The following TOR2A variants were observed in gnomAD, a reference collection of about 807,000 sequenced individuals.
TOR2A encodes torsin family 2 member A.
A neutral mutation model predicts 28.6 loss-of-function variants in TOR2A; 24 were observed. That is an observed-to-expected ratio of 0.84 (90% CI 0.61 to 1.18). The LOEUF is 1.18. Ranked by LOEUF, TOR2A falls within the 50% of genes most tolerant of loss-of-function variation. TOR2A has a pLI of 0.00. For missense variants in TOR2A, 426 were observed against 448.1 expected (o/e 0.95, Z 0.45); for synonymous variants, 203 against 203.1 (o/e 1.00, Z 0.00).
chr9:127,734,061 C>G (rs1844582085), intron 2 of TOR2A: 1 of 477,022 alleles, frequency 2.1e-6, no homozygotes, highest in South Asian at 4.3e-5. Context: ...ATCTCATGTC[C>G]CTCACAACAA....
At chr9:127,733,621 T>G in intron 2 of TOR2A, 61 bp from the exon 3 acceptor site, 38 of 1,438,990 alleles carry the variant, frequency 2.6e-5, no homozygotes, top group Non-Finnish European at 3.2e-5. Flanking sequence ...ACCAGACCTC[T>G]TCCCAAACCA....
Position 127,733,404 on chromosome 9 carries a change from C to T in TOR2A, c.574G>A (p.Ala192Thr). Residue 192 changes from alanine (A) to threonine (T), a missense_variant, in exon 3 of 5, where the codon GCC becomes ACC. Transcript: ENST00000373284. ...WVVYGTNYRK[A>T]IFIFISNTGG... ...CCCCACCTGATGAAGATGAAGATGG[C>T]TTTGCGGTAATTGGTCCCGTATACC... 6.2e-7 allele frequency: 1 copy of T among 1,613,874 alleles called. No individual in the cohort carries two copies. The highest frequency in any genetic ancestry group is 8.5e-7 in the Non-Finnish European group (1 of 1,180,022).
rs892927380 is a variant in TOR2A, at chr9:127,731,616, A to G, written c.*418T>C. ...CCCAAGTGGCAGCTTGAGTCCCTCC[A>G]TTTCTGGAAACTGAGAAGGCTCCAC... On this transcript the variant is annotated 3_prime_UTR_variant, in exon 5 of 5. Coordinates refer to ENST00000373284, the MANE Select transcript of TOR2A (RefSeq NM_001085347.3). 8 of 1,163,710 alleles carry G rather than the reference A, an allele frequency of 6.9e-6. No individual in the cohort carries two copies. The African/African-American group carries it at 1.1e-4, about 16-fold the overall frequency. The allele number at this position is 1,163,710 out of a possible 1,614,324, so 72.1% of individuals were successfully genotyped here. A position where few individuals can be genotyped will look rare whatever the true frequency, so the allele number is the denominator to read the frequency against.
chr9:127,735,232 C>A lies in TOR2A; in HGVS notation c.39G>T (p.Ser13=). The change falls in exon 1 of 5, where the codon TCG becomes TCT. Residue 13 remains serine (S), a synonymous_variant. Coordinates refer to ENST00000373284, the MANE Select transcript of TOR2A (RefSeq NM_001085347.3). ...AATRGCRPWG[S]LLGLLGLVSA... ...AGACCAGCCCGAGCAGCCCGAGGAG[C>A]GAGCCCCAGGGCCGGCAGCCGCGCG... 6.9e-7 allele frequency: 1 copy of A among 1,455,972 alleles called. No homozygotes were observed. The highest frequency in any genetic ancestry group is 1.3e-5 in the South Asian group (1 of 74,824). The allele number at this position is 1,455,972 out of a possible 1,614,324, so 90.2% of individuals were successfully genotyped here.
chr9:127,732,628 G>T lies in TOR2A; in HGVS notation c.657C>A (p.Arg219=). The T allele has an allele frequency of 6.3e-7, 1 of 1,576,092 alleles. No homozygotes were observed. Among genetic ancestry groups the T allele is most frequent in the Non-Finnish European group, 8.6e-7 (1 of 1,162,280 alleles). ...ALEAWRSRRD[R]EEILLQELEP... is the part of the protein sequence containing the mutation. ...CCAGCTCCTGCAGGAGGATCTCCTC[G>T]CGGTCCCGCCGGCTGCGCCACGCCT... Residue 219 remains arginine (R), a synonymous_variant, in exon 4 of 5, where the codon CGC becomes CGA. Coordinates refer to ENST00000373284, the MANE Select transcript of TOR2A (RefSeq NM_001085347.3).
chr9:127,734,781 C>T (rs1292677139), intron 1 of TOR2A: 4 of 565,312 alleles, frequency 7.1e-6, no homozygotes, highest in Non-Finnish European at 1.1e-5. Context: ...CTCTAGATTG[C>T]ACTCAGCTCT....
At position 127,734,965 on chromosome 9, in the gene TOR2A, C is replaced by T. The variant is rs1447064715; in HGVS notation, c.151+155G>A. 10 of 1,165,784 alleles carry T rather than the reference C, an allele frequency of 8.6e-6. No homozygotes were observed. In the East Asian group the frequency reaches 2.3e-4, roughly 26 times the overall value. The allele number at this position is 1,165,784 out of a possible 1,614,324, so 72.2% of individuals were successfully genotyped here. On this transcript the variant is annotated intron_variant, in intron 1 of 4. Coordinates refer to ENST00000373284, the MANE Select transcript of TOR2A (RefSeq NM_001085347.3). ...GGCCTCCTGGACCTCAACGGGTACC[C>T]TCCACCCTCCCAAGTCTGCGGGCCC...
At chr9:127,732,762 C>T (rs1844505008) in intron 3 of TOR2A, 71 bp from the exon 4 acceptor site, 2 of 1,516,020 alleles carry the variant, frequency 1.3e-6, no homozygotes, top group South Asian at 1.2e-5. Context: ...ACCCTCGCTT[C>T]CCCGCTGCCA....
Position 127,731,824 on chromosome 9 carries a change from G to A in TOR2A, c.*210C>T. The stretch of plus-strand genomic sequence containing the variant: ...GGAGGTCAAGGCTCAGTGAGGTTCT[G>A]GGGTGACCAGGGGTTTCCCTGGGGA... On this transcript the variant is annotated 3_prime_UTR_variant, in exon 5 of 5. Transcript: ENST00000373284. The A allele has an allele frequency of 2.9e-6, 3 of 1,021,538 alleles. No homozygotes were observed. Among genetic ancestry groups the A allele is most frequent in the Non-Finnish European group, 4.1e-6 (3 of 723,966 alleles). 63.3% of individuals were successfully genotyped at this position (1,021,538 alleles called of 1,614,324 possible).
chr9:127,734,722 A>G, intron 1 of TOR2A, 158 bp from the exon 2 acceptor site: 1 of 908,250 alleles, frequency 1.1e-6, no homozygotes, highest in Non-Finnish European at 1.5e-6. Context: ...GGCGGAAAAG[A>G]GCCACCTTCG....
Position 127,734,483 on chromosome 9 carries a change from A to G in TOR2A, c.233T>C (p.Val78Ala). The change falls in exon 2 of 5, where the codon GTG becomes GCG. Residue 78 changes from valine to alanine, a missense_variant. Val to Ala is a moderately conservative substitution (Grantham distance 64). Coordinates refer to ENST00000373284, the MANE Select transcript of TOR2A (RefSeq NM_001085347.3). ...CGGCTTGGTGGGGGCTGGGTCCCGCACAAAGGCCTTCAGCGCCTTCACCAC... is the reference window on the plus strand; with the variant it reads ...CGGCTTGGTGGGGGCTGGGTCCCGCGCAAAGGCCTTCAGCGCCTTCACCAC... ...ALVVKALKAF[V>A]RDPAPTKPLV... 1.9e-6 allele frequency: 3 copies of G among 1,592,940 alleles called. No individual in the cohort carries two copies. Among genetic ancestry groups the G allele is most frequent in the Non-Finnish European group, 2.6e-6 (3 of 1,170,060 alleles).
intron 3 of TOR2A, 54 bp downstream of exon 3, chr9:127,733,331 T>C (rs759241028): frequency 5.6e-6 from 9 of 1,613,384 alleles, no homozygotes; most frequent in African/African-American, 1.3e-5. Flanking sequence ...GCTGTAGAGC[T>C]GAACCTCTGA....
At position 127,734,519 on chromosome 9, in the gene TOR2A, G is replaced by A; in HGVS notation, c.197C>T (p.Ala66Val). The A allele has an allele frequency of 6.5e-7, 1 of 1,543,848 alleles. No homozygotes were observed. Reference protein sequence around the residue: ...LAQHLAGQHLAKALVVKALKA... With the variant: ...LAQHLAGQHLVKALVVKALKA... ...CAGCGCCTTCACCACCAGCGCCTTG[G>A]CCAGATGCTGGCCGGCCAGGTGCTG... The change falls in exon 2 of 5, where the codon GCC (alanine) becomes GTC (valine). Residue 66 changes from alanine to valine, a missense_variant. Ala to Val is a moderately conservative substitution (Grantham distance 64). Coordinates refer to ENST00000373284, the MANE Select transcript of TOR2A (RefSeq NM_001085347.3).
In TOR2A at chr9:127,734,417, GA is replaced by G; in HGVS notation, c.298del (p.Ser100ProfsTer43). On this transcript the variant is annotated frameshift_variant, in exon 2 of 5. Transcript: ENST00000373284. LOFTEE classifies it high-confidence loss of function. ...SLHGWTGTGK[S>X]YVSSLLAHYL... ...GTGCGCCAGCAGGGAGCTGACATAG[GA>G]TTTGCCGGTGCCGGTCCAGCCGTGC... is the stretch of plus-strand genomic sequence containing the variant. 1.2e-6 allele frequency: 2 copies of G among 1,612,676 alleles called. No individual in the cohort carries two copies. The highest frequency in any genetic ancestry group is 1.7e-6 in the Non-Finnish European group (2 of 1,179,812).
In TOR2A at chr9:127,734,572, C is replaced by A; in HGVS notation, c.152-8G>T. On this transcript the variant is annotated splice_polypyrimidine_tract_variant and splice_region_variant and intron_variant, in intron 1 of 4. Coordinates refer to ENST00000373284, the MANE Select transcript of TOR2A (RefSeq NM_001085347.3). ...CCAGGTCACACTCCAGACCTAGGGC[C>A]ACAGGAGGATGGTGAGGACACATCC... The A allele has an allele frequency of 6.7e-7, 1 of 1,498,560 alleles. No homozygotes were observed. The highest frequency in any genetic ancestry group is 8.9e-7 in the Non-Finnish European group (1 of 1,125,586). The allele number at this position is 1,498,560 out of a possible 1,614,324, so 92.8% of individuals were successfully genotyped here.
chr9:127,732,700 A>G lies in TOR2A; in HGVS notation c.594-9T>C. 3 of 1,559,880 alleles carry G rather than the reference A, an allele frequency of 1.9e-6. No individual in the cohort carries two copies. Among genetic ancestry groups the G allele is most frequent in the Non-Finnish European group, 2.6e-6 (3 of 1,152,224 alleles). ...GCTTGCCACCCGTGTTGCTAAAACC[A>G]TGGGGGACCCAGGCTGAGACTCAGA... On this transcript the variant is annotated splice_polypyrimidine_tract_variant and intron_variant, in intron 3 of 4. Transcript: ENST00000373284.
intron 3 of TOR2A, 74 bp from the exon 4 acceptor site, chr9:127,732,765 C>A (rs979104480): frequency 6.6e-7 from 1 of 1,513,272 alleles, no homozygotes; most frequent in South Asian, 1.2e-5. Context: ...CTCGCTTCCC[C>A]GCTGCCACCT....
rs1844527481 is a variant in TOR2A, at chr9:127,733,074, A to C, written c.593+311T>G. 4 of 1,461,912 alleles carry C rather than the reference A, an allele frequency of 2.7e-6. No individual in the cohort carries two copies. In the African/African-American group the frequency reaches 5.7e-5, roughly 21 times the overall value. 90.6% of individuals were successfully genotyped at this position (1,461,912 alleles called of 1,614,324 possible). A position where few individuals can be genotyped will look rare whatever the true frequency, so the allele number is the denominator to read the frequency against. On this transcript the variant is annotated intron_variant, in intron 3 of 4. Transcript: ENST00000373284. ...TTCTGAGAGCTGGGACTAAAGGACA[A>C]GAACTCTGTTCCTATTTTTCCCAGG...
chr9:127,732,469 G>A, intron 4 of TOR2A, 95 bp downstream of exon 4: 1 of 1,461,916 alleles, frequency 6.8e-7, no homozygotes, highest in Non-Finnish European at 9.0e-7. Flanking sequence ...GCTCAGAACT[G>A]CCGGGTCAGT....
Sources: gnomAD v4.1 joint callset for allele counts on GRCh38, gnomAD v4.1.1 for gene constraint, MANE v1.5 for transcripts, NCBI Gene and HGNC (gene_info 2026-07-23, HGNC 2026-07-21) for gene names.